ZNF277: variants seen among roughly 807,000 people sequenced by gnomAD.
ZNF277 encodes zinc finger protein 277.
In ZNF277, 55 loss-of-function variants were observed where a neutral mutation model predicts 60.7. That is an observed-to-expected ratio of 0.91 (90% CI 0.73 to 1.13). ZNF277 has a LOEUF of 1.13. Ranked by LOEUF, ZNF277 falls within the 50% of genes most tolerant of loss-of-function variation. The pLI is 0.00. For missense variants in ZNF277, 510 were observed against 523.0 expected (o/e 0.98, Z 0.24); for synonymous variants, 178 against 179.3 (o/e 0.99, Z 0.06).
chr7:112,211,780 A>C (rs1371796394), intron 1 of ZNF277, among the ~76,000 whole-genome samples: 1 of 152,122 alleles, frequency 6.6e-6, no homozygotes, highest in African/African-American at 2.4e-5. Flanking sequence ...TCCATTATCC[A>C]CTTACCATGT....
chr7:112,264,801 C>CAATAAT (rs1365034162), intron 1 of ZNF277, among the ~76,000 whole-genome samples: 5 of 151,962 alleles, frequency 3.3e-5, no homozygotes, highest in African/African-American at 9.7e-5. Context: ...ATTAAGTGTG[C>CAATAAT]AATAATGGTA....
chr7:112,220,566 G>A (rs564310121), intron 1 of ZNF277, among the ~76,000 whole-genome samples: 39 of 152,208 alleles, frequency 2.6e-4, no homozygotes, highest in Non-Finnish European at 5.1e-4. Context: ...GAGGTGCTGA[G>A]CATGGGCATC....
chr7:112,320,990 C>T (rs1427842309), intron 5 of ZNF277, among the ~76,000 whole-genome samples: 2 of 139,166 alleles, frequency 1.4e-5, no homozygotes, highest in Non-Finnish European at 3.0e-5. Flanking sequence ...GGCAGGATCT[C>T]GGCTCACTGC....
chr7:112,335,061 G>A (rs1179069531), intron 7 of ZNF277, among the ~76,000 whole-genome samples: 1 of 152,028 alleles, frequency 6.6e-6, no homozygotes, highest in Non-Finnish European at 1.5e-5. Context: ...GATGAATAAT[G>A]GATTTTCTTT....
chr7:112,257,447 A>G (rs532099677), intron 1 of ZNF277, among the ~76,000 whole-genome samples: 1 of 152,350 alleles, frequency 6.6e-6, no homozygotes, highest in African/African-American at 2.4e-5. Context: ...GAATGTTTAT[A>G]GCAGAAGTCA....
rs1027733333 is a variant in ZNF277 at position 112,306,896 on chromosome 7, G to A, written c.465+10585G>A. ...CTGCAGGTTAGGTTCTCTCAGGCCTGTCCTTACATCCAGCTCTTACACCCC... is the reference window on the plus strand; with the variant it reads ...CTGCAGGTTAGGTTCTCTCAGGCCTATCCTTACATCCAGCTCTTACACCCC... On this transcript the variant is annotated intron_variant, in intron 4 of 11. Transcript: ENST00000361822. Among the ~76,000 whole-genome samples, 5 of 152,176 alleles carry A rather than the reference G, an allele frequency of 3.3e-5. No individual in the cohort carries two copies. In the East Asian group the frequency reaches 7.7e-4, roughly 23 times the overall value.
chr7:112,286,660 C>T (rs776823769), intron 1 of ZNF277, among the ~76,000 whole-genome samples: 1 of 152,082 alleles, frequency 6.6e-6, no homozygotes, highest in Non-Finnish European at 1.5e-5. Flanking sequence ...GGGGTTTGAG[C>T]TGCTTTGCAA....
intron 8 of ZNF277, among the ~76,000 whole-genome samples, chr7:112,336,994 G>A (rs1223361396): frequency 1.3e-5 from 2 of 152,172 alleles, no homozygotes; most frequent in Non-Finnish European, 2.9e-5. Flanking sequence ...AAGCTTCTGT[G>A]TGAATTGGGT....
chr7:112,340,221 A>C lies in ZNF277; in HGVS notation c.1009+336A>C, dbSNP rs530001394. Among the ~76,000 whole-genome samples the C allele has an allele frequency of 9.3e-4, 142 of 152,358 alleles. 2 individuals carry two copies. The Middle Eastern group carries it at 0.014, about 15-fold the overall frequency. Reference sequence around the variant, plus strand: ...CTAGAGTTCAGATTCCAGCTCTGGCACTTACTGGCTATGACATTGGGCCTC... The same window carrying C: ...CTAGAGTTCAGATTCCAGCTCTGGCCCTTACTGGCTATGACATTGGGCCTC... On this transcript the variant is annotated intron_variant, in intron 10 of 11. Transcript: ENST00000361822.
intron 1 of ZNF277, among the ~76,000 whole-genome samples, chr7:112,282,048 G>A (rs183761762): frequency 2.4e-4 from 37 of 152,248 alleles, no homozygotes; most frequent in African/African-American, 8.7e-4. Context: ...GGCCAGGGTG[G>A]TCTCAAACTC....
At chr7:112,248,390 G>A (rs762150754) in intron 1 of ZNF277, among the ~76,000 whole-genome samples, 1 of 150,936 alleles carries the variant, frequency 6.6e-6, no homozygotes, top group African/African-American at 2.4e-5. Context: ...ATCTCAGGAA[G>A]CTCAATTAAG....
At chr7:112,283,419 A>C (rs962006854) in intron 1 of ZNF277, among the ~76,000 whole-genome samples, 1 of 152,130 alleles carries the variant, frequency 6.6e-6, no homozygotes, top group South Asian at 2.1e-4. Flanking sequence ...GCTACTCGGA[A>C]GGCTGACACA....
intron 11 of ZNF277, 105 bp downstream of exon 11, chr7:112,341,151 T>A: frequency 9.0e-7 from 1 of 1,106,298 alleles, no homozygotes. Flanking sequence ...TACATATTTA[T>A]TATAAAAAGT....
intron 1 of ZNF277, among the ~76,000 whole-genome samples, chr7:112,281,478 T>G (rs1181231252): frequency 1.3e-5 from 2 of 152,234 alleles, no homozygotes; most frequent in African/African-American, 4.8e-5. Context: ...ATTTAAAAAT[T>G]TCTAATTTAA....
intron 1 of ZNF277, among the ~76,000 whole-genome samples, chr7:112,247,696 G>C (rs1008667855): frequency 6.6e-6 from 1 of 151,958 alleles, no homozygotes; most frequent in African/African-American, 2.4e-5. Context: ...ATCCAGGCAC[G>C]GATGCTCATG....
At chr7:112,224,088 A>T (rs1326257314) in intron 1 of ZNF277, among the ~76,000 whole-genome samples, 1 of 152,224 alleles carries the variant, frequency 6.6e-6, no homozygotes, top group African/African-American at 2.4e-5. Context: ...ATCAGTTAGA[A>T]TACAGAGAAG....
intron 1 of ZNF277, among the ~76,000 whole-genome samples, chr7:112,268,390 T>C (rs576112164): frequency 6.6e-6 from 1 of 151,984 alleles, no homozygotes; most frequent in African/African-American, 2.4e-5. Flanking sequence ...GGACTTACCA[T>C]GAGGTAAAGA....
At chr7:112,214,705 G>T (rs1041798073) in intron 1 of ZNF277, among the ~76,000 whole-genome samples, 1 of 152,170 alleles carries the variant, frequency 6.6e-6, no homozygotes, top group African/African-American at 2.4e-5. Flanking sequence ...AAGGGAGGTT[G>T]GGAAAGAGGG....
chr7:112,329,938 A>AG (rs1414478003), intron 6 of ZNF277, 146 bp from the exon 7 acceptor site: 2 of 942,282 alleles, frequency 2.1e-6, no homozygotes, highest in Non-Finnish European at 3.1e-6. Flanking sequence ...GAATAAAGTG[A>AG]GGGGGGATTC....
Sources: allele counts gnomAD v4.1 joint callset (sites outside exome capture counted in the v4.1 genomes callset), GRCh38; gene constraint gnomAD v4.1.1; transcripts MANE v1.5; gene names NCBI Gene and HGNC (gene_info 2026-07-23, HGNC 2026-07-21).